QTMAN: variants seen among roughly 807,000 people sequenced by gnomAD.
The protein encoded by QTMAN is queuosine-tRNA mannosyltransferase.
At chr2:144,291,254 C>T in the QTMAN span, among the ~76,000 whole-genome samples, 1 of 152,148 alleles carries the variant, frequency 6.6e-6, no homozygotes, top group Non-Finnish European at 1.5e-5. Flanking sequence ...AATAAGTTCA[C>T]ATTTTGGGGT....
the QTMAN span, among the ~76,000 whole-genome samples, chr2:144,163,312 CAATA>C: frequency 1.3e-5 from 2 of 151,634 alleles, no homozygotes; most frequent in Admixed American, 1.3e-4. Context: ...AAAATATTAA[CAATA>C]AAACTTGTAA....
chr2:144,050,565 T>C, the QTMAN span, among the ~76,000 whole-genome samples: 1 of 152,154 alleles, frequency 6.6e-6, no homozygotes, highest in Non-Finnish European at 1.5e-5. Flanking sequence ...TGGTAACAGA[T>C]TTATAAGGCA....
At chr2:144,307,770 T>A in the QTMAN span, among the ~76,000 whole-genome samples, 1 of 152,140 alleles carries the variant, frequency 6.6e-6, no homozygotes, top group Non-Finnish European at 1.5e-5. Flanking sequence ...CTAGGACAAA[T>A]TTAATAAAAG....
chr2:144,296,094 G>A, the QTMAN span, among the ~76,000 whole-genome samples: 1 of 152,206 alleles, frequency 6.6e-6, no homozygotes, highest in East Asian at 1.9e-4. Flanking sequence ...TAATGAGGAT[G>A]TTTAGGTAAC....
the QTMAN span, among the ~76,000 whole-genome samples, chr2:144,094,585 T>C: frequency 6.6e-6 from 1 of 152,040 alleles, no homozygotes; most frequent in Admixed American, 6.6e-5. Context: ...ACCAGACACA[T>C]ATATAACCAT....
At chr2:143,952,210 A>G in the QTMAN span, 1 of 618,928 alleles carries the variant, frequency 1.6e-6, no homozygotes, top group Non-Finnish European at 2.9e-6. Context: ...TGATTTTATA[A>G]GGTTACCTCA....
chr2:144,089,395 A>G, the QTMAN span, among the ~76,000 whole-genome samples: 1 of 152,042 alleles, frequency 6.6e-6, no homozygotes, highest in East Asian at 1.9e-4. Context: ...GAGATTTCTC[A>G]AAAAACTAAA....
the QTMAN span, among the ~76,000 whole-genome samples, chr2:143,980,954 T>C: frequency 2.6e-5 from 4 of 152,220 alleles, no homozygotes; most frequent in East Asian, 5.8e-4. Context: ...TGCAACCCCA[T>C]GCTCCTTTGC....
chr2:144,305,474 C>T, the QTMAN span, among the ~76,000 whole-genome samples: 4 of 152,294 alleles, frequency 2.6e-5, no homozygotes, highest in Admixed American at 2.0e-4. Context: ...TATCATTATA[C>T]CAGTATCGCC....
chr2:144,145,682 G>A, the QTMAN span: 2 of 1,611,654 alleles, frequency 1.2e-6, no homozygotes, highest in Non-Finnish European at 1.7e-6. Context: ...GTTTCCCAAG[G>A]TCAGGCCGAA....
chr2:144,249,727 A>C, the QTMAN span, among the ~76,000 whole-genome samples: 1 of 152,208 alleles, frequency 6.6e-6, no homozygotes, highest in Non-Finnish European at 1.5e-5. Context: ...GTTATATGTA[A>C]TCCAGATTTA....
the QTMAN span, among the ~76,000 whole-genome samples, chr2:144,169,356 C>T: frequency 6.6e-6 from 1 of 152,128 alleles, no homozygotes; most frequent in Non-Finnish European, 1.5e-5. Context: ...GCATAATATA[C>T]ACAACTTCAA....
chr2:144,241,896 G>A, the QTMAN span, among the ~76,000 whole-genome samples: 2 of 152,090 alleles, frequency 1.3e-5, no homozygotes, highest in East Asian at 3.8e-4. Flanking sequence ...ACGAAGCTAT[G>A]AGCTAGCTGG....
chr2:144,198,228 AC>A, the QTMAN span, among the ~76,000 whole-genome samples: 7 of 152,014 alleles, frequency 4.6e-5, no homozygotes, highest in African/African-American at 1.4e-4. Flanking sequence ...AAAAAAAAAA[AC>A]AAAATACCAG....
the QTMAN span, among the ~76,000 whole-genome samples, chr2:144,273,570 G>T: frequency 6.6e-6 from 1 of 152,110 alleles, no homozygotes; most frequent in African/African-American, 2.4e-5. Context: ...AGTTCAGAAG[G>T]TTTGGAGGAG....
At chr2:144,300,670 C>T in the QTMAN span, among the ~76,000 whole-genome samples, 2 of 152,172 alleles carry the variant, frequency 1.3e-5, no homozygotes, top group Non-Finnish European at 2.9e-5. Flanking sequence ...ACATAATATA[C>T]GAACTGTTCT....
chr2:144,019,435 G>GGGGGGTGTGT, the QTMAN span, among the ~76,000 whole-genome samples: 1 of 117,274 alleles, frequency 8.5e-6, no homozygotes, highest in Admixed American at 8.6e-5. Flanking sequence ...TAAGCATGCA[G>GGGGGGTGTGT]GTGTGTGTGT....
At chr2:144,022,233 C>T in the QTMAN span, among the ~76,000 whole-genome samples, 1 of 151,974 alleles carries the variant, frequency 6.6e-6, no homozygotes, top group African/African-American at 2.4e-5. Context: ...TCCTATTAGA[C>T]ATATGTTGGA....
the QTMAN span, among the ~76,000 whole-genome samples, chr2:143,991,699 C>T: frequency 1.5e-4 from 21 of 140,410 alleles, no homozygotes; most frequent in East Asian, 2.3e-3. Context: ...GGGGTCAGCC[C>T]GCCGCCCGGC....
Sources: allele counts gnomAD v4.1 joint callset (sites outside exome capture counted in the v4.1 genomes callset), GRCh38; gene constraint gnomAD v4.1.1; transcripts MANE v1.5; gene names NCBI Gene and HGNC (gene_info 2026-07-23, HGNC 2026-07-21).